Variants in STRN observed in about 807,000 individuals in gnomAD.
STRN encodes the protein protein phosphatase 2 regulatory subunit B'''alpha.
In STRN, 53 loss-of-function variants were observed where a neutral mutation model predicts 96.3. The ratio of observed to expected loss-of-function variants is 0.55; its 90% CI spans 0.44 to 0.69. The LOEUF is 0.69. Ranked by LOEUF, STRN falls within the 30% of genes least tolerant of loss-of-function variation. The probability of loss-of-function intolerance (pLI) is 0.00; values close to 1 mark genes in which losing one functional copy is unlikely to be tolerated. For missense variants in STRN, 987 were observed against 963.9 expected (o/e 1.02, Z -0.32); for synonymous variants, 428 against 355.9 (o/e 1.20, Z -2.28).
At chr2:36,871,090 A>C (rs941015899) in intron 10 of STRN, among the ~76,000 whole-genome samples, 5 of 152,258 alleles carry the variant, frequency 3.3e-5, no homozygotes, top group Admixed American at 3.3e-4. Flanking sequence ...AAGCTGTGTC[A>C]AAATGTTTTT....
At chr2:36,849,920 G>C (rs766562276) in intron 16 of STRN, 120 bp from the exon 17 acceptor site, 8 of 924,208 alleles carry the variant, frequency 8.7e-6, no homozygotes, top group Non-Finnish European at 1.3e-5. Context: ...TGTATTAATA[G>C]CTTTTTCCAT....
chr2:36,959,181 G>A (rs2148279258), intron 1 of STRN, among the ~76,000 whole-genome samples: 1 of 152,168 alleles, frequency 6.6e-6, no homozygotes. Flanking sequence ...CAAAGACAGA[G>A]AAAATCTTAA....
intron 10 of STRN, among the ~76,000 whole-genome samples, chr2:36,877,537 T>A (rs1208937975): frequency 6.6e-6 from 1 of 152,220 alleles, no homozygotes; most frequent in Non-Finnish European, 1.5e-5. Flanking sequence ...CAACTTTTTA[T>A]TTTATTTTAC....
intron 7 of STRN, among the ~76,000 whole-genome samples, chr2:36,887,109 T>C (rs893856599): frequency 1.3e-5 from 2 of 149,032 alleles, no homozygotes; most frequent in African/African-American, 5.0e-5. Flanking sequence ...TGATTTTTAG[T>C]AAATTAAGCA....
At chr2:36,879,971 A>C (rs950295603) in intron 9 of STRN, among the ~76,000 whole-genome samples, 1 of 151,962 alleles carries the variant, frequency 6.6e-6, no homozygotes, top group African/African-American at 2.4e-5. Context: ...TATCTTAAAA[A>C]AAAAAAAAAA....
intron 1 of STRN, among the ~76,000 whole-genome samples, chr2:36,939,010 T>C (rs1179880469): frequency 3.9e-5 from 6 of 152,170 alleles, no homozygotes; most frequent in Non-Finnish European, 8.8e-5. Context: ...TTTTTGAGAC[T>C]GAGTCTTGCT....
intron 1 of STRN, among the ~76,000 whole-genome samples, chr2:36,962,638 T>A (rs1273942625): frequency 6.6e-6 from 1 of 152,004 alleles, no homozygotes; most frequent in East Asian, 1.9e-4. Context: ...GCGATTCTCC[T>A]GCCTCAGCCT....
intron 11 of STRN, among the ~76,000 whole-genome samples, chr2:36,868,546 A>G (rs911091612): frequency 2.0e-5 from 3 of 152,236 alleles, no homozygotes; most frequent in Non-Finnish European, 4.4e-5. Context: ...TCTACACTGT[A>G]TCGCAGTTAC....
chr2:36,928,370 G>C (rs1292548944), intron 1 of STRN, among the ~76,000 whole-genome samples: 5 of 152,156 alleles, frequency 3.3e-5, no homozygotes, highest in Admixed American at 3.3e-4. Context: ...GAGGAAAATA[G>C]GTCGGACACA....
chr2:36,873,906 G>A (rs1301106813), intron 10 of STRN, among the ~76,000 whole-genome samples: 2 of 147,424 alleles, frequency 1.4e-5, no homozygotes, highest in African/African-American at 2.5e-5. Flanking sequence ...TTACGCCACT[G>A]CACTCCAGTC....
rs565293067 is a variant in STRN, at chr2:36,894,704, T to A, written c.796-671A>T. 8.1e-4 allele frequency among the ~76,000 whole-genome samples: 123 copies of A among 152,334 alleles called. 2 individuals are homozygous for A. Among genetic ancestry groups the A allele is most frequent in the South Asian group, 4.3e-3 (21 of 4,832 alleles). On this transcript the variant is annotated intron_variant, in intron 6 of 17. Coordinates refer to ENST00000263918, the MANE Select transcript of STRN (RefSeq NM_003162.4). ...TCTAGACTTCAGCTTACTCACTTCA[T>A]GCAAAACAGAAATAACATGATAGGA...
At chr2:36,881,021 T>A (rs760911037) in intron 9 of STRN, among the ~76,000 whole-genome samples, 8 of 152,004 alleles carry the variant, frequency 5.3e-5, no homozygotes, top group African/African-American at 1.5e-4. Context: ...ATAGGTCACG[T>A]TTCCATCTGG....
At position 36,876,042 on chromosome 2, in the gene STRN, G is replaced by A. The variant is rs116872447; in HGVS notation, c.1323+1849C>T. ...AGCATTTAGTGGGAGGCTGAGGCAG[G>A]TGAACTGCTTGAGCTTAGGAGTTTG... On this transcript the variant is annotated intron_variant, in intron 10 of 17. Coordinates refer to ENST00000263918, the MANE Select transcript of STRN (RefSeq NM_003162.4). Among the ~76,000 whole-genome samples the A allele has an allele frequency of 3.9e-4, 59 of 152,294 alleles. No individual in the cohort carries two copies. In the East Asian group the frequency reaches 0.01, roughly 27 times the overall value.
At chr2:36,923,558 A>G (rs1670320355) in intron 2 of STRN, among the ~76,000 whole-genome samples, 1 of 152,224 alleles carries the variant, frequency 6.6e-6, no homozygotes, top group Non-Finnish European at 1.5e-5. Flanking sequence ...AAGTATGAAA[A>G]GAAACACGTA....
intron 13 of STRN, among the ~76,000 whole-genome samples, chr2:36,858,867 T>G (rs1221106125): frequency 6.6e-6 from 1 of 152,220 alleles, no homozygotes; most frequent in Non-Finnish European, 1.5e-5. Flanking sequence ...ATGTTGAAAG[T>G]ACAATAATTG....
intron 1 of STRN, among the ~76,000 whole-genome samples, chr2:36,954,266 T>C (rs1385815888): frequency 1.3e-5 from 2 of 152,018 alleles, no homozygotes; most frequent in African/African-American, 4.8e-5. Context: ...ATCCCAGCAC[T>C]GTGGGAGGCT....
intron 2 of STRN, among the ~76,000 whole-genome samples, chr2:36,923,642 T>C (rs1429849234): frequency 3.3e-5 from 5 of 152,274 alleles, no homozygotes; most frequent in African/African-American, 1.2e-4. Context: ...TGAACACAAG[T>C]TCTAATAAAA....
intron 1 of STRN, among the ~76,000 whole-genome samples, chr2:36,940,353 TAAAG>T (rs1572690005): frequency 6.6e-6 from 1 of 152,058 alleles, no homozygotes; most frequent in African/African-American, 2.4e-5. Flanking sequence ...AGGAGGTTGA[TAAAG>T]AACCATGAGA....
At chr2:36,883,707 A>G (rs1669138390) in intron 9 of STRN, among the ~76,000 whole-genome samples, 2 of 152,214 alleles carry the variant, frequency 1.3e-5, no homozygotes, top group South Asian at 4.1e-4. Context: ...ATTTTAAACC[A>G]GAATTTAGAG....
Sources: gnomAD v4.1 joint callset for allele counts (sites outside exome capture counted in the v4.1 genomes callset) on GRCh38, gnomAD v4.1.1 for gene constraint, MANE v1.5 for transcripts, NCBI Gene and HGNC (gene_info 2026-07-23, HGNC 2026-07-21) for gene names.